LIMCH1: variants seen among roughly 807,000 people sequenced by gnomAD.
The protein encoded by LIMCH1 is LIM and calponin homology domains-containing protein 1.
LIMCH1 carries 113 observed loss-of-function variants against 176.5 expected under a neutral mutation model. The ratio of observed to expected loss-of-function variants is 0.64; its 90% confidence interval spans 0.55 to 0.75. The LOEUF (loss-of-function observed/expected upper bound fraction) is 0.75. Among genes scored for constraint, LIMCH1 ranks in the 30% least tolerant of loss-of-function variants. The probability of loss-of-function intolerance (pLI) is 0.00; values close to 1 mark genes in which losing one functional copy is unlikely to be tolerated. For synonymous variants in LIMCH1, 619 were observed against 645.9 expected, an observed-to-expected ratio of 0.96 and a Z score of 0.63; for missense variants, 1,674 against 1,814.9, an observed-to-expected ratio of 0.92 and a Z score of 1.41.
chr4:41,481,939 C>T (rs2068722513), intron 1 of LIMCH1, among the ~76,000 whole-genome samples: 1 of 151,768 alleles, frequency 6.6e-6, no homozygotes, highest in Non-Finnish European at 1.5e-5. Context: ...CAACCTCGGT[C>T]TCTTGGGTTC....
rs533694071 is a variant in LIMCH1 at position 41,399,301 on chromosome 4, A to G, written c.96+38365A>G. 1.6e-3 allele frequency among the ~76,000 whole-genome samples: 245 copies of G among 152,308 alleles called. 2 individuals are homozygous for G. The highest frequency in any genetic ancestry group is 5.1e-3 in the African/African-American group (213 of 41,564). ...CTCAGTGGCACAAATAAGGAAAAAA[A>G]AACCCATAAGAATAGAGAGGATGAA... On this transcript the variant is annotated intron_variant, in intron 1 of 26. Coordinates refer to the LIMCH1 transcript ENST00000313860.
At chr4:41,489,447 A>G (rs2070325316) in intron 1 of LIMCH1, among the ~76,000 whole-genome samples, 1 of 152,114 alleles carries the variant, frequency 6.6e-6, no homozygotes, top group African/African-American at 2.4e-5. Flanking sequence ...TTTACCCTAA[A>G]TATTGCCTTA....
chr4:41,692,427 G>C (rs773002197), intron 31 of LIMCH1, 43 bp downstream of exon 31: 2 of 1,246,084 alleles, frequency 1.6e-6, no homozygotes, highest in South Asian at 1.2e-5. Flanking sequence ...GAGTGTAATC[G>C]TATGTCTTCC....
At chr4:41,423,461 A>AG (rs397968908) in intron 1 of LIMCH1, among the ~76,000 whole-genome samples, 1 of 151,246 alleles carries the variant, frequency 6.6e-6, no homozygotes, top group Admixed American at 6.6e-5. Flanking sequence ...AAAAAAAAAA[A>AG]GGAATCCTGC....
intron 1 of LIMCH1, among the ~76,000 whole-genome samples, chr4:41,451,845 A>C (rs73140662): frequency 0.024 from 3,677 of 152,230 alleles, 152 homozygotes; most frequent in African/African-American, 0.084. Context: ...TATTCTGCAC[A>C]AAATTTCATC....
intron 1 of LIMCH1, among the ~76,000 whole-genome samples, chr4:41,580,770 C>T (rs574417509): frequency 6.6e-6 from 1 of 152,070 alleles, no homozygotes; most frequent in African/African-American, 2.4e-5. Context: ...CTGTTGAAAG[C>T]CCACTTAAGG....
At chr4:41,400,174 G>A (rs2058272468) in intron 1 of LIMCH1, among the ~76,000 whole-genome samples, 1 of 151,956 alleles carries the variant, frequency 6.6e-6, no homozygotes, top group Non-Finnish European at 1.5e-5. Flanking sequence ...ATATACAACT[G>A]AAATTATTTT....
chr4:41,475,933 T>C (rs1358095705), intron 1 of LIMCH1, among the ~76,000 whole-genome samples: 4 of 152,204 alleles, frequency 2.6e-5, no homozygotes, highest in Non-Finnish European at 5.9e-5. Context: ...AAGGACCTTT[T>C]AGAACACAGT....
At chr4:41,406,303 GTA>G (rs1255822592) in intron 1 of LIMCH1, among the ~76,000 whole-genome samples, 2 of 152,100 alleles carry the variant, frequency 1.3e-5, no homozygotes, top group Non-Finnish European at 2.9e-5. Flanking sequence ...TAGAATTTGG[GTA>G]TGTTTTATGG....
chr4:41,651,976 C>T (rs966990444), intron 18 of LIMCH1, among the ~76,000 whole-genome samples: 11 of 152,168 alleles, frequency 7.2e-5, no homozygotes, highest in Middle Eastern at 3.2e-3. Context: ...TTTCGGGGTA[C>T]GGGCTGGACT....
chr4:41,451,630 G>A (rs138302985), intron 1 of LIMCH1, among the ~76,000 whole-genome samples: 29 of 152,206 alleles, frequency 1.9e-4, no homozygotes, highest in East Asian at 5.8e-4. Flanking sequence ...TCAACATTGC[G>A]TCTTTCATCT....
intron 2 of LIMCH1, among the ~76,000 whole-genome samples, chr4:41,498,992 A>T (rs1367030722): frequency 6.6e-6 from 1 of 152,132 alleles, no homozygotes; most frequent in Non-Finnish European, 1.5e-5. Context: ...TAAAGTGTTT[A>T]CTATCTGGTC....
At chr4:41,552,402 A>T (rs1222310578) in intron 1 of LIMCH1, among the ~76,000 whole-genome samples, 1 of 152,180 alleles carries the variant, frequency 6.6e-6, no homozygotes, top group East Asian at 1.9e-4. Context: ...GGCATGTGCC[A>T]CGCCTGCATC....
rs150200248 is a variant in LIMCH1 at position 41,485,749 on chromosome 4, G to T, written c.97-8787G>T. 2.2e-3 allele frequency among the ~76,000 whole-genome samples: 333 copies of T among 152,236 alleles called. 2 individuals are homozygous for T. The highest frequency in any genetic ancestry group is 7.4e-3 in the African/African-American group (308 of 41,528). On this transcript the variant is annotated intron_variant, in intron 1 of 26. Coordinates refer to the LIMCH1 transcript ENST00000313860. ...GATGGGGAGCTATGGGAGTGGGAGC[G>T]AGGGTCTGAGTGGAATGGTAGCATG...
At position 41,556,395 on chromosome 4, in the gene LIMCH1, C is replaced by CAAAA. The variant is rs71198668; in HGVS notation, c.-241+18060_-241+18063dup. 5.5e-3 allele frequency among the ~76,000 whole-genome samples: 465 copies of CAAAA among 83,878 alleles called. 7 individuals are homozygous for CAAAA. Among genetic ancestry groups the CAAAA allele is most frequent in the African/African-American group, 0.017 (443 of 25,878 alleles). 55.0% of individuals were successfully genotyped at this position (83,878 alleles called of 152,430 possible). On this transcript the variant is annotated intron_variant, in intron 1 of 31. Coordinates refer to ENST00000503057, the MANE Select transcript of LIMCH1 (RefSeq NM_001330672.2). ...GGGCAACAAGGGCAAAACTCTATCT[C>CAAAA]AAAAAAAAAAAAAAAAAAGGAAAGA...
intron 21 of LIMCH1, chr4:41,670,785 C>T (rs1042563585): frequency 3.6e-5 from 55 of 1,535,806 alleles, no homozygotes; most frequent in African/African-American, 1.8e-4. Flanking sequence ...AGTTTTTCTC[C>T]CAGTCAGGTA....
chr4:41,367,237 C>G (rs1440899755), intron 1 of LIMCH1, among the ~76,000 whole-genome samples: 1 of 152,170 alleles, frequency 6.6e-6, no homozygotes, highest in Non-Finnish European at 1.5e-5. Flanking sequence ...AGGGAATTAC[C>G]TTTGGCATCA....
intron 31 of LIMCH1, chr4:41,693,252 ATGAC>A (rs1174494421): frequency 2.0e-5 from 3 of 152,230 alleles, no homozygotes; most frequent in Admixed American, 6.5e-5. Context: ...AAATTCAAGA[ATGAC>A]TATTTCTCAA....
At chr4:41,555,236 A>T (rs1246393095) in intron 1 of LIMCH1, among the ~76,000 whole-genome samples, 1 of 152,190 alleles carries the variant, frequency 6.6e-6, no homozygotes, top group Non-Finnish European at 1.5e-5. Context: ...AGCGTGTCCT[A>T]CTGTTTTCAT....
Sources: allele counts gnomAD v4.1 joint callset (sites outside exome capture counted in the v4.1 genomes callset), GRCh38; gene constraint gnomAD v4.1.1; transcripts MANE v1.5; gene names NCBI Gene and HGNC (gene_info 2026-07-23, HGNC 2026-07-21).